SYNPO2: variants seen among roughly 807,000 people sequenced by gnomAD.
The protein encoded by SYNPO2 is synaptopodin-2.
Under a neutral mutation model 85.0 loss-of-function variants are expected in SYNPO2, and 56 were observed. The observed-to-expected ratio is 0.66, with a 90% CI of 0.53 to 0.82. The LOEUF (loss-of-function observed/expected upper bound fraction) is 0.82, where lower values mean the gene tolerates loss of function less well. Ranked by LOEUF, SYNPO2 falls within the 40% of genes least tolerant of loss-of-function variation. The pLI, the probability that SYNPO2 is intolerant of heterozygous loss-of-function variation, is 0.00. For missense variants in SYNPO2, 1,575 were observed against 1,534.2 expected (o/e 1.03, Z -0.44); for synonymous variants, 602 against 591.1 (o/e 1.02, Z -0.27).
At chr4:118,948,963 C>A (rs966597921) in intron 1 of SYNPO2, among the ~76,000 whole-genome samples, 1 of 152,212 alleles carries the variant, frequency 6.6e-6, no homozygotes, top group Non-Finnish European at 1.5e-5. Context: ...AATCTACCCA[C>A]TGGAGGGTTT....
chr4:118,851,130 G>C (rs555704328), intron 1 of SYNPO2, among the ~76,000 whole-genome samples: 27 of 133,742 alleles, frequency 2.0e-4, no homozygotes, highest in Middle Eastern at 9.0e-3. Context: ...CAGGTCTTTC[G>C]TCAGAACTTT....
At chr4:118,890,697 T>TTCTCTCTCTCTC (rs796242049) in intron 1 of SYNPO2, among the ~76,000 whole-genome samples, 7,124 of 81,390 alleles carry the variant, frequency 0.088, 534 homozygotes, top group Non-Finnish European at 0.11. Flanking sequence ...TCTCATCGGT[T>TTCTCTCTCTCTC]TCTCTCTCTC....
intron 1 of SYNPO2, among the ~76,000 whole-genome samples, chr4:119,016,597 A>G (rs1007952097): frequency 6.6e-5 from 10 of 152,214 alleles, no homozygotes; most frequent in African/African-American, 2.2e-4. Flanking sequence ...GTTTATAAAA[A>G]TAATCTGCCT....
At chr4:119,051,633 G>A (rs1739055033) in intron 4 of SYNPO2, among the ~76,000 whole-genome samples, 1 of 152,130 alleles carries the variant, frequency 6.6e-6, no homozygotes, top group Admixed American at 6.5e-5. Context: ...TTTATTCGAA[G>A]TTATTAGAGA....
intron 1 of SYNPO2, among the ~76,000 whole-genome samples, chr4:118,994,966 T>A (rs1736535671): frequency 6.6e-6 from 1 of 152,230 alleles, no homozygotes; most frequent in South Asian, 2.1e-4. Flanking sequence ...CTAATGAATA[T>A]TTTTTATTTA....
intron 3 of SYNPO2, among the ~76,000 whole-genome samples, chr4:119,027,981 T>C (rs1303904678): frequency 6.6e-6 from 1 of 152,212 alleles, no homozygotes. Flanking sequence ...CATGATCCTC[T>C]CCGTTGTGTA....
chr4:119,040,279 T>G (rs1738666349), intron 4 of SYNPO2, among the ~76,000 whole-genome samples: 1 of 152,240 alleles, frequency 6.6e-6, no homozygotes. Context: ...AATCCCAGTT[T>G]GAGACCCACA....
In SYNPO2 at chr4:118,889,028, A is replaced by G; in HGVS notation, c.-9A>G. On this transcript the variant is annotated 5_prime_UTR_variant, in exon 1 of 5. Coordinates refer to ENST00000307142, the MANE Select transcript of SYNPO2 (RefSeq NM_133477.3). Reference sequence around the variant, plus strand: ...CAAGCTCTTCATGCTGCCCAACTAAAAGGAAAACATGGGCACAGGGGATTT... The same window carrying G: ...CAAGCTCTTCATGCTGCCCAACTAAGAGGAAAACATGGGCACAGGGGATTT... 1 of 1,613,916 alleles carries G rather than the reference A, an allele frequency of 6.2e-7. No homozygotes were observed. Among genetic ancestry groups the G allele is most frequent in the Non-Finnish European group, 8.5e-7 (1 of 1,179,892 alleles).
At chr4:118,988,727 T>C (rs902235329) in intron 1 of SYNPO2, among the ~76,000 whole-genome samples, 7 of 152,178 alleles carry the variant, frequency 4.6e-5, no homozygotes, top group Non-Finnish European at 1.0e-4. Context: ...GTGTGCCCTT[T>C]TCTCTGTAAG....
intron 1 of SYNPO2, among the ~76,000 whole-genome samples, chr4:118,982,317 C>G (rs959287181): frequency 6.6e-6 from 1 of 152,142 alleles, no homozygotes; most frequent in African/African-American, 2.4e-5. Flanking sequence ...AAATATATTG[C>G]ACAATGAAGA....
In SYNPO2 at chr4:118,909,760, T is replaced by G. The variant is rs540678255; in HGVS notation, c.105+20619T>G. Among the ~76,000 whole-genome samples the G allele has an allele frequency of 4.6e-5, 7 of 152,338 alleles. No individual in the cohort carries two copies. In the South Asian group the frequency reaches 1.5e-3, roughly 32 times the overall value. On this transcript the variant is annotated intron_variant, in intron 1 of 4. Transcript: ENST00000307142. The stretch of plus-strand genomic sequence containing the variant: ...CTTGAGCCAGCAAACTTGCAATTAT[T>G]AGTGTCCTGGGAGCATTGCCATTAC...
At chr4:118,958,273 T>C (rs1233900850) in intron 1 of SYNPO2, among the ~76,000 whole-genome samples, 1 of 152,094 alleles carries the variant, frequency 6.6e-6, no homozygotes, top group Non-Finnish European at 1.5e-5. Flanking sequence ...GGTGCGTGTA[T>C]GTTGGGGTTG....
chr4:118,992,568 G>A (rs1736453769), intron 1 of SYNPO2, among the ~76,000 whole-genome samples: 1 of 152,062 alleles, frequency 6.6e-6, no homozygotes, highest in Non-Finnish European at 1.5e-5. Flanking sequence ...AAATAGTTTT[G>A]ACCCCAAAGA....
intron 4 of SYNPO2, among the ~76,000 whole-genome samples, chr4:119,047,578 G>C (rs1455613596): frequency 6.6e-6 from 1 of 152,152 alleles, no homozygotes; most frequent in Non-Finnish European, 1.5e-5. Flanking sequence ...TCCTCTTTAA[G>C]AAGGCAAGTG....
At chr4:118,912,942 A>T (rs1733189843) in intron 1 of SYNPO2, among the ~76,000 whole-genome samples, 1 of 152,214 alleles carries the variant, frequency 6.6e-6, no homozygotes, top group Non-Finnish European at 1.5e-5. Flanking sequence ...GTAATTTTCC[A>T]AGTTGGGTCT....
chr4:119,057,621 C>A lies in SYNPO2; in HGVS notation c.3473C>A (p.Ala1158Glu). Residue 1158 changes from alanine to glutamate, a missense_variant, in exon 5 of 5, where the codon GCA (alanine) becomes GAA (glutamate). This residue lies in a region of SYNPO2 where 1,508 missense variants were observed against 1,446.8 expected (regional missense o/e 1.04). Coordinates refer to ENST00000307142, the MANE Select transcript of SYNPO2 (RefSeq NM_133477.3). Reference sequence around the variant, plus strand: ...AGAAACATCCAGGAATCCATTGTGGCAAATGTGGTTTCAGCAGCTCGGAGG... The same window carrying A: ...AGAAACATCCAGGAATCCATTGTGGAAAATGTGGTTTCAGCAGCTCGGAGG... Reference protein sequence around the residue: ...QPRNIQESIVANVVSAARRKV... With the variant: ...QPRNIQESIVENVVSAARRKV... 1 of 1,614,094 alleles carries A rather than the reference C, an allele frequency of 6.2e-7. No individual in the cohort carries two copies. The highest frequency in any genetic ancestry group is 8.5e-7 in the Non-Finnish European group (1 of 1,180,030).
At chr4:118,936,320 T>C (rs909922183) in intron 1 of SYNPO2, among the ~76,000 whole-genome samples, 4 of 152,218 alleles carry the variant, frequency 2.6e-5, no homozygotes, top group African/African-American at 9.7e-5. Context: ...AACTCTTCAA[T>C]TTAATGTATT....
At position 119,027,091 on chromosome 4, in the gene SYNPO2, T is replaced by C; in HGVS notation, c.722T>C (p.Ile241Thr). The change falls in exon 3 of 5, where the codon ATA becomes ACA. Residue 241 changes from isoleucine to threonine, a missense_variant. Coordinates refer to ENST00000307142, the MANE Select transcript of SYNPO2 (RefSeq NM_133477.3). ...TTGTCACATGACAGGATTGTCCACA[T>C]AAATTCGATCCCTACTAATGAGAAA... ...PNLSHDRIVH[I>T]NSIPTNEKAD... is the part of the protein sequence containing the mutation. 1 of 1,614,162 alleles carries C rather than the reference T, an allele frequency of 6.2e-7. No homozygotes were observed. Among genetic ancestry groups the C allele is most frequent in the Non-Finnish European group, 8.5e-7 (1 of 1,180,040 alleles).
At chr4:118,909,946 G>A (rs1273648936) in intron 1 of SYNPO2, among the ~76,000 whole-genome samples, 1 of 152,166 alleles carries the variant, frequency 6.6e-6, no homozygotes, top group Non-Finnish European at 1.5e-5. Flanking sequence ...TTCACAATGC[G>A]TTCCTGATCT....
Sources: gnomAD v4.1 joint callset for allele counts (sites outside exome capture counted in the v4.1 genomes callset) on GRCh38, gnomAD v4.1.1 for gene constraint, gnomAD v4.1.1 regional missense constraint, MANE v1.5 for transcripts, NCBI Gene and HGNC (gene_info 2026-07-23, HGNC 2026-07-21) for gene names.